RALYL: variants seen among roughly 807,000 people sequenced by gnomAD.
RALYL encodes the protein RALY RNA binding protein like, also known as RNA-binding Raly-like protein.
Under a neutral mutation model 35.1 loss-of-function variants are expected in RALYL, and 29 were observed. The ratio of observed to expected loss-of-function variants is 0.83; its 90% CI spans 0.61 to 1.13. The LOEUF (loss-of-function observed/expected upper bound fraction) is 1.13. Ranked by LOEUF, RALYL falls within the 50% of genes most tolerant of loss-of-function variation. The pLI, the probability that RALYL is intolerant of heterozygous loss-of-function variation, is 0.00. For missense variants in RALYL, 359 were observed against 360.4 expected, an observed-to-expected ratio of 1.00 and a Z score of 0.03; for synonymous variants, 120 against 127.6, an observed-to-expected ratio of 0.94 and a Z score of 0.40.
intron 7 of RALYL, among the ~76,000 whole-genome samples, chr8:84,886,517 T>A (rs958208512): frequency 6.6e-6 from 1 of 151,482 alleles, no homozygotes; most frequent in Admixed American, 6.6e-5. Flanking sequence ...AAAGGATAGA[T>A]TAATCATCTG....
intron 2 of RALYL, among the ~76,000 whole-genome samples, chr8:84,554,760 C>T (rs557569553): frequency 6.6e-6 from 1 of 152,254 alleles, no homozygotes; most frequent in Non-Finnish European, 1.5e-5. Context: ...TGCCTCGTCT[C>T]TTAGGACGAA....
At chr8:84,913,040 G>GTAGGTAGGTAGATAGA (rs372305617) in intron 8 of RALYL, among the ~76,000 whole-genome samples, 9,073 of 129,852 alleles carry the variant, frequency 0.07, 423 homozygotes, top group Non-Finnish European at 0.093. Context: ...GGATAGGTAG[G>GTAGGTAGGTAGATAGA]TAGATAGATA....
At chr8:84,487,981 G>A (rs952838877) in intron 1 of RALYL, among the ~76,000 whole-genome samples, 1 of 152,046 alleles carries the variant, frequency 6.6e-6, no homozygotes, top group African/African-American at 2.4e-5. Context: ...TATCCATGGT[G>A]TGAGATTATG....
chr8:84,369,302 G>GTATT (rs143936722), intron 1 of RALYL, among the ~76,000 whole-genome samples: 5,911 of 151,194 alleles, frequency 0.039, 261 homozygotes, highest in Admixed American at 0.13. Context: ...GAAAAAACTA[G>GTATT]TATTTATTTA....
At chr8:84,461,205 G>T (rs2050733202) in intron 1 of RALYL, among the ~76,000 whole-genome samples, 1 of 151,510 alleles carries the variant, frequency 6.6e-6, no homozygotes, top group African/African-American at 2.4e-5. Flanking sequence ...TTGATAGTTT[G>T]CAATGAAATA....
At chr8:84,534,204 TC>T (rs1308592450) in intron 2 of RALYL, among the ~76,000 whole-genome samples, 1 of 152,272 alleles carries the variant, frequency 6.6e-6, no homozygotes, top group African/African-American at 2.4e-5. Flanking sequence ...TTGTGTTCTA[TC>T]GCCCAACAGG....
At chr8:84,837,969 T>C (rs1832377412) in intron 4 of RALYL, among the ~76,000 whole-genome samples, 1 of 152,200 alleles carries the variant, frequency 6.6e-6, no homozygotes, top group South Asian at 2.1e-4. Flanking sequence ...TCTATTTTAT[T>C]ATCATTTTTG....
At chr8:84,481,398 T>G (rs1320952306) in intron 1 of RALYL, among the ~76,000 whole-genome samples, 1 of 152,180 alleles carries the variant, frequency 6.6e-6, no homozygotes, top group Non-Finnish European at 1.5e-5. Flanking sequence ...GGCACCATCA[T>G]AGCTCACTGC....
intron 2 of RALYL, among the ~76,000 whole-genome samples, chr8:84,588,397 G>C (rs1008890270): frequency 2.0e-5 from 3 of 152,168 alleles, no homozygotes; most frequent in Non-Finnish European, 4.4e-5. Flanking sequence ...AAGCCATAAG[G>C]TATGCCACTG....
At chr8:84,373,176 C>T (rs1235855452) in intron 1 of RALYL, among the ~76,000 whole-genome samples, 1 of 151,538 alleles carries the variant, frequency 6.6e-6, no homozygotes, top group East Asian at 1.9e-4. Context: ...AATGTCCTCC[C>T]ATTCTGTAGG....
rs775376493 is a variant in RALYL, at chr8:84,401,770, G to T, written c.-23-127529G>T. Among the ~76,000 whole-genome samples the T allele has an allele frequency of 2.0e-5, 3 of 147,916 alleles. No homozygotes were observed. The South Asian group carries it at 6.7e-4, about 33-fold the overall frequency. ...GTAAAAGATCAATAGCACTGTTTTT[G>T]AGACATATTGAAATGGGTTATGACT... is the stretch of plus-strand genomic sequence containing the variant. On this transcript the variant is annotated intron_variant, in intron 1 of 8. Transcript: ENST00000521268.
chr8:84,582,049 T>A (rs1447332182), intron 2 of RALYL, among the ~76,000 whole-genome samples: 1 of 152,124 alleles, frequency 6.6e-6, no homozygotes, highest in Non-Finnish European at 1.5e-5. Flanking sequence ...TGGAAACATT[T>A]ATAATTAATT....
At chr8:84,845,803 T>A (rs1296174193) in intron 4 of RALYL, among the ~76,000 whole-genome samples, 1 of 152,244 alleles carries the variant, frequency 6.6e-6, no homozygotes, top group Non-Finnish European at 1.5e-5. Context: ...ATTCAATCTA[T>A]CTTGAGTCAG....
At chr8:84,360,928 A>G (rs999869398) in intron 1 of RALYL, among the ~76,000 whole-genome samples, 4 of 151,430 alleles carry the variant, frequency 2.6e-5, no homozygotes, top group African/African-American at 9.7e-5. Flanking sequence ...CCAAAATATT[A>G]CCTTACATTC....
At chr8:84,644,126 A>G (rs927464491) in intron 2 of RALYL, among the ~76,000 whole-genome samples, 1 of 152,034 alleles carries the variant, frequency 6.6e-6, no homozygotes, top group African/African-American at 2.4e-5. Context: ...AAGAAAGTAT[A>G]TTTCAAGGCT....
At chr8:84,842,145 C>T (rs1181373947) in intron 4 of RALYL, among the ~76,000 whole-genome samples, 1 of 151,974 alleles carries the variant, frequency 6.6e-6, no homozygotes. Context: ...AATAGAGACA[C>T]AAAAAACCCT....
intron 2 of RALYL, among the ~76,000 whole-genome samples, chr8:84,594,949 T>C (rs945146853): frequency 1.3e-5 from 2 of 152,168 alleles, no homozygotes; most frequent in African/African-American, 4.8e-5. Flanking sequence ...TCATCTCCAG[T>C]AACATCTTAT....
intron 2 of RALYL, among the ~76,000 whole-genome samples, chr8:84,676,130 G>T (rs1834143765): frequency 6.6e-6 from 1 of 152,102 alleles, no homozygotes; most frequent in Non-Finnish European, 1.5e-5. Context: ...TAAATGAAAT[G>T]ATGAGCAATA....
At chr8:84,487,263 A>G (rs1409033948) in intron 1 of RALYL, among the ~76,000 whole-genome samples, 2 of 152,116 alleles carry the variant, frequency 1.3e-5, no homozygotes, top group East Asian at 3.8e-4. Context: ...TCAGAAAAAT[A>G]ATTTTTCACT....
Sources: allele counts gnomAD v4.1 joint callset (sites outside exome capture counted in the v4.1 genomes callset), GRCh38; gene constraint gnomAD v4.1.1; transcripts MANE v1.5; gene names NCBI Gene and HGNC (gene_info 2026-07-23, HGNC 2026-07-21).